NAA16: variants seen among roughly 807,000 people sequenced by gnomAD.
The protein encoded by NAA16 is NARG1-like protein.
In NAA16, 97 loss-of-function variants were observed where a neutral mutation model predicts 110.3. That is an observed-to-expected ratio of 0.88 (90% CI 0.75 to 1.04). The LOEUF is 1.04. NAA16 is among the 50% of genes least tolerant of loss of function. The probability of loss-of-function intolerance (pLI) is 0.00; values close to 1 mark genes in which losing one functional copy is unlikely to be tolerated. For synonymous variants in NAA16, 372 were observed against 330.6 expected (o/e 1.13, Z -1.36); for missense variants, 1,017 against 1,005.1 (o/e 1.01, Z -0.16).
At chr13:41,323,353 C>CTT (rs372356009) in intron 5 of NAA16, among the ~76,000 whole-genome samples, 163 bp downstream of exon 5, 11,265 of 145,234 alleles carry the variant, frequency 0.078, 612 homozygotes, top group Middle Eastern at 0.15. Context: ...TTTTCTCTCT[C>CTT]TTTTTTTTTT....
chr13:41,327,912 AT>A (rs1318770807), intron 6 of NAA16: 2 of 152,046 alleles, frequency 1.3e-5, no homozygotes, highest in Non-Finnish European at 2.9e-5. Flanking sequence ...AGTAAAAAAA[AT>A]AGTACATAAG....
At chr13:41,342,650 A>T (rs1238052990) in intron 9 of NAA16, among the ~76,000 whole-genome samples, 1 of 152,202 alleles carries the variant, frequency 6.6e-6, no homozygotes, top group Admixed American at 6.5e-5. Context: ...GCTTAATGAG[A>T]AGATTTTATA....
intron 14 of NAA16, among the ~76,000 whole-genome samples, 184 bp from the exon 15 acceptor site, chr13:41,368,906 G>A (rs1408005351): frequency 6.6e-6 from 1 of 152,144 alleles, no homozygotes; most frequent in South Asian, 2.1e-4. Flanking sequence ...TACATAGGTT[G>A]TATGGAAATA....
chr13:41,329,317 C>T (rs915005350), intron 7 of NAA16, among the ~76,000 whole-genome samples: 3 of 151,880 alleles, frequency 2.0e-5, no homozygotes, highest in African/African-American at 7.3e-5. Context: ...CAAAATGTTA[C>T]ATATCTTCCT....
intron 13 of NAA16, among the ~76,000 whole-genome samples, chr13:41,364,998 T>C (rs1422006412): frequency 6.6e-6 from 1 of 152,188 alleles, no homozygotes; most frequent in African/African-American, 2.4e-5. Context: ...CACTACACTC[T>C]AAAGCTGTGA....
chr13:41,343,124 A>G (rs906259351), intron 9 of NAA16, among the ~76,000 whole-genome samples: 3 of 152,234 alleles, frequency 2.0e-5, no homozygotes, highest in African/African-American at 7.2e-5. Flanking sequence ...TAAGTGAAAT[A>G]GCATCTTGAT....
At position 41,372,246 on chromosome 13, in the gene NAA16, T is replaced by G. The variant is rs751334421; in HGVS notation, c.1991T>G (p.Leu664Arg). Residue 664 changes from leucine to arginine, a missense_variant, in exon 16 of 20, where the codon CTT (leucine) becomes CGT (arginine). Physicochemically the swap from Leu to Arg is moderately radical, Grantham distance 102. Transcript: ENST00000379406. Reference protein sequence around the residue: ...LEEAVKFLIPLKNLVADNIDT... With the variant: ...LEEAVKFLIPRKNLVADNIDT... ...GAAGCCGTTAAGTTCCTTATACCTC[T>G]TAAGAACCTTGTTGCTGATAACATT... 3 of 1,605,228 alleles carry G rather than the reference T, an allele frequency of 1.9e-6. No homozygotes were observed. Among genetic ancestry groups the G allele is most frequent in the East Asian group, 2.2e-5 (1 of 44,466 alleles).
intron 9 of NAA16, among the ~76,000 whole-genome samples, chr13:41,343,422 GT>G (rs200183660): frequency 3.3e-5 from 5 of 151,544 alleles, no homozygotes; most frequent in African/African-American, 1.2e-4. Flanking sequence ...TCCTTTCACA[GT>G]TTTTTTTTAC....
At chr13:41,327,154 A>T (rs896525706) in intron 6 of NAA16, among the ~76,000 whole-genome samples, 3 of 151,008 alleles carry the variant, frequency 2.0e-5, no homozygotes, top group South Asian at 2.1e-4. Flanking sequence ...TAACTACTAT[A>T]CTCTTTCTGG....
chr13:41,316,957 T>TA, intron 2 of NAA16, 27 bp downstream of exon 2: 1 of 1,490,594 alleles, frequency 6.7e-7, no homozygotes, highest in Non-Finnish European at 9.4e-7. Context: ...GAGATTGCTT[T>TA]AGGGAAATCA....
intron 15 of NAA16, among the ~76,000 whole-genome samples, chr13:41,371,620 A>G (rs4249879): frequency 0.95 from 144,194 of 152,284 alleles, 68,341 homozygotes; most frequent in South Asian, 0.99. Context: ...TTACTTTATT[A>G]TAAGAATACA....
chr13:41,335,624 A>G (rs975339145), intron 8 of NAA16, among the ~76,000 whole-genome samples: 7 of 152,270 alleles, frequency 4.6e-5, no homozygotes, highest in Admixed American at 2.6e-4. Context: ...GTATGATCTA[A>G]TAAGAGATTA....
At chr13:41,359,172 G>T (rs964832776) in intron 12 of NAA16, among the ~76,000 whole-genome samples, 18 of 152,094 alleles carry the variant, frequency 1.2e-4, no homozygotes, top group African/African-American at 3.9e-4. Flanking sequence ...GCAGGGGATG[G>T]TTAAAAAACA....
At chr13:41,322,267 C>G (rs1388360929) in intron 4 of NAA16, among the ~76,000 whole-genome samples, 1 of 152,048 alleles carries the variant, frequency 6.6e-6, no homozygotes, top group Non-Finnish European at 1.5e-5. Context: ...CCAGGAAGTA[C>G]AGACACTGGT....
intron 9 of NAA16, among the ~76,000 whole-genome samples, chr13:41,342,988 A>G (rs528355030): frequency 1.3e-5 from 2 of 148,898 alleles, no homozygotes; most frequent in Non-Finnish European, 3.0e-5. Context: ...TACAATATAG[A>G]AAATTTGGAA....
chr13:41,347,486 G>A (rs1395136567), intron 9 of NAA16, among the ~76,000 whole-genome samples: 1 of 151,984 alleles, frequency 6.6e-6, no homozygotes, highest in East Asian at 1.9e-4. Context: ...TCGAACATGG[G>A]ATGTCTTTCT....
rs56050620 is a variant in NAA16, at chr13:41,353,600, TA to T, written c.1015-1527del. ...GGCAATGTAGTGAGACTTTGTCTCT[TA>T]AAAAAAAAAAAAAAAATTATCAGGG... On this transcript the variant is annotated intron_variant, in intron 9 of 19. Transcript: ENST00000379406. Among the ~76,000 whole-genome samples the T allele has an allele frequency of 1.1e-3, 164 of 146,358 alleles. 1 individual carries two copies. The South Asian group carries it at 0.012, about 11-fold the overall frequency.
intron 6 of NAA16, chr13:41,328,163 T>C (rs2042142480): frequency 6.6e-6 from 1 of 152,138 alleles, no homozygotes; most frequent in Non-Finnish European, 1.5e-5. Flanking sequence ...TGTGGCTTAG[T>C]AAAAGGATTT....
At chr13:41,317,289 T>C (rs2041833991) in intron 2 of NAA16, among the ~76,000 whole-genome samples, 1 of 152,204 alleles carries the variant, frequency 6.6e-6, no homozygotes, top group Non-Finnish European at 1.5e-5. Context: ...TATAGAAGTA[T>C]GAAGATATGG....
Sources: allele counts gnomAD v4.1 joint callset (sites outside exome capture counted in the v4.1 genomes callset), GRCh38; gene constraint gnomAD v4.1.1; transcripts MANE v1.5; gene names NCBI Gene and HGNC (gene_info 2026-07-23, HGNC 2026-07-21).